The following TNPO1 variants were observed in gnomAD, a reference collection of about 807,000 sequenced individuals.
The protein encoded by TNPO1 is transportin-1.
TNPO1 carries 8 observed loss-of-function variants against 119.5 expected under a neutral mutation model. The ratio of observed to expected loss-of-function variants is 0.07; its 90% CI spans 0.04 to 0.12. The LOEUF (loss-of-function observed/expected upper bound fraction) is 0.12, where lower values mean the gene tolerates loss of function less well. Among genes scored for constraint, TNPO1 ranks in the 10% least tolerant of loss-of-function variants. The probability of loss-of-function intolerance (pLI) is 1.00; values close to 1 mark genes in which losing one functional copy is unlikely to be tolerated. For missense variants in TNPO1, 576 were observed against 1,089.8 expected (o/e 0.53, Z 6.64); for synonymous variants, 362 against 363.0 (o/e 1.00, Z 0.03).
At chr5:72,880,195 GA>G (rs1004328261) in intron 9 of TNPO1, among the ~76,000 whole-genome samples, 2 of 149,836 alleles carry the variant, frequency 1.3e-5, no homozygotes, top group East Asian at 2.0e-4. Context: ...CCCTTTCTCA[GA>G]AAAAAAAAGC....
At chr5:72,818,284 T>G (rs918267572) in intron 1 of TNPO1, among the ~76,000 whole-genome samples, 1 of 152,260 alleles carries the variant, frequency 6.6e-6, no homozygotes, top group African/African-American at 2.4e-5. Flanking sequence ...GTGGCTTTAT[T>G]ACCATTATAT....
chr5:72,905,832 G>A (rs972506242), intron 24 of TNPO1, among the ~76,000 whole-genome samples: 1 of 152,144 alleles, frequency 6.6e-6, no homozygotes. Flanking sequence ...GGGAGATGGG[G>A]GTTGCAGTGA....
intron 24 of TNPO1, among the ~76,000 whole-genome samples, chr5:72,905,868 G>T (rs1405073364): frequency 2.6e-5 from 4 of 152,180 alleles, no homozygotes; most frequent in African/African-American, 9.7e-5. Flanking sequence ...GTGCACTCCA[G>T]CCTAGGGGAC....
chr5:72,822,744 C>T (rs1489073125), intron 1 of TNPO1, among the ~76,000 whole-genome samples: 3 of 151,766 alleles, frequency 2.0e-5, no homozygotes, highest in Non-Finnish European at 4.4e-5. Flanking sequence ...AGGCACACAT[C>T]GCCATGCCCA....
chr5:72,894,485 C>T (rs1268507483), intron 18 of TNPO1, among the ~76,000 whole-genome samples: 1 of 152,190 alleles, frequency 6.6e-6, no homozygotes, highest in Non-Finnish European at 1.5e-5. Context: ...TCCTGGCTAA[C>T]ACGGTGAAAC....
chr5:72,905,299 A>G lies in TNPO1; in HGVS notation c.2590-4A>G, dbSNP rs759573083. 1.2e-6 allele frequency: 2 copies of G among 1,605,296 alleles called. No individual in the cohort carries two copies. Among genetic ancestry groups the G allele is most frequent in the South Asian group, 2.2e-5 (2 of 90,108 alleles). ...GATAAATTAATGGTTTTTCACTCTT[A>G]CAGATCCTTCATGGATTTAAAAATC... On this transcript the variant is annotated splice_polypyrimidine_tract_variant and splice_region_variant and intron_variant, in intron 23 of 24. Transcript: ENST00000337273.
intron 1 of TNPO1, among the ~76,000 whole-genome samples, chr5:72,834,666 TAAA>T (rs1486553061): frequency 1.3e-5 from 2 of 152,176 alleles, no homozygotes; most frequent in Admixed American, 6.5e-5. Flanking sequence ...GTTCATAAAA[TAAA>T]AAGTTACAGT....
intron 8 of TNPO1, 74 bp from the exon 9 acceptor site, chr5:72,877,154 T>C: frequency 4.0e-6 from 3 of 756,370 alleles, no homozygotes; most frequent in Non-Finnish European, 6.2e-6. Context: ...AAAAGCTTGC[T>C]TGATAATAGG....
rs1212124098 is a variant in TNPO1 at position 72,913,473 on chromosome 5, C to A, written c.*4800C>A. ...AAGATGCATAATAGCTGAATGTATG[C>A]ATGACTTTGAAAGAAGTTAAAATGG... On this transcript the variant is annotated 3_prime_UTR_variant, in exon 25 of 25. Coordinates refer to ENST00000337273, the MANE Select transcript of TNPO1 (RefSeq NM_002270.4). 6.6e-6 allele frequency: 1 copy of A among 152,444 alleles called. No individual in the cohort carries two copies. The highest frequency in any genetic ancestry group is 2.4e-5 in the African/African-American group (1 of 41,424). 9.4% of individuals were successfully genotyped at this position (152,444 alleles called of 1,614,324 possible).
chr5:72,903,578 T>C (rs979006621), intron 22 of TNPO1, 131 bp from the exon 23 acceptor site: 11 of 621,476 alleles, frequency 1.8e-5, no homozygotes, highest in Non-Finnish European at 3.0e-5. Context: ...CTTATGATCA[T>C]AGTTAATTTT....
intron 6 of TNPO1, among the ~76,000 whole-genome samples, chr5:72,870,634 T>A (rs1056358274): frequency 2.1e-4 from 32 of 152,350 alleles, no homozygotes; most frequent in African/African-American, 7.5e-4. Context: ...GAAACTATAT[T>A]AAACTTCCAA....
chr5:72,848,340 A>T (rs751079526), intron 1 of TNPO1, 45 bp from the exon 2 acceptor site: 4 of 1,580,182 alleles, frequency 2.5e-6, no homozygotes, highest in Middle Eastern at 1.7e-4. Flanking sequence ...GTGCACCGGG[A>T]GTAACAGTTG....
chr5:72,855,170 G>T (rs1158701592), intron 3 of TNPO1, among the ~76,000 whole-genome samples: 1 of 151,596 alleles, frequency 6.6e-6, no homozygotes, highest in Non-Finnish European at 1.5e-5. Flanking sequence ...TAATTTGGGG[G>T]TTTTTAGTAG....
chr5:72,898,798 C>T (rs1749621987), intron 20 of TNPO1, among the ~76,000 whole-genome samples: 1 of 152,118 alleles, frequency 6.6e-6, no homozygotes, highest in African/African-American at 2.4e-5. Flanking sequence ...CATAGGTTTT[C>T]TTTCTCTTGC....
intron 3 of TNPO1, among the ~76,000 whole-genome samples, chr5:72,855,486 A>G (rs544334904): frequency 7.2e-5 from 11 of 152,294 alleles, no homozygotes; most frequent in African/African-American, 2.4e-4. Context: ...TTTGGTTAAC[A>G]CAACTTGGAG....
chr5:72,862,268 C>CTA (rs1746509658), intron 5 of TNPO1: 1 of 170,992 alleles, frequency 5.8e-6, no homozygotes, highest in Admixed American at 5.9e-5. Flanking sequence ...TTTAGCTTCT[C>CTA]TAAATTGTTT....
chr5:72,882,169 C>T (rs1197516705), intron 9 of TNPO1, among the ~76,000 whole-genome samples: 1 of 152,124 alleles, frequency 6.6e-6, no homozygotes, highest in African/African-American at 2.4e-5. Flanking sequence ...ATTATGCTAG[C>T]TCTAATGTTT....
At chr5:72,887,340 C>G in intron 12 of TNPO1, 118 bp downstream of exon 12, 1 of 1,148,934 alleles carries the variant, frequency 8.7e-7, no homozygotes, top group Non-Finnish European at 1.2e-6. Flanking sequence ...TATTAAACAG[C>G]CATAGGCCGT....
chr5:72,855,512 C>A (rs917304789), intron 3 of TNPO1, among the ~76,000 whole-genome samples: 12 of 152,156 alleles, frequency 7.9e-5, no homozygotes, highest in Non-Finnish European at 7.4e-5. Flanking sequence ...CTGCTGGCAT[C>A]TGTGGCTGAT....
Sources: allele counts gnomAD v4.1 joint callset (sites outside exome capture counted in the v4.1 genomes callset), GRCh38; gene constraint gnomAD v4.1.1; transcripts MANE v1.5; gene names NCBI Gene and HGNC (gene_info 2026-07-23, HGNC 2026-07-21).